Variants in FGGY observed in about 807,000 individuals in gnomAD.
FGGY encodes the protein FGGY carbohydrate kinase domain containing, also known as FGGY carbohydrate kinase domain-containing protein.
A neutral mutation model predicts 71.3 loss-of-function variants in FGGY; 72 were observed. The observed-to-expected ratio is 1.01, with a 90% CI of 0.84 to 1.23. The LOEUF is 1.23. FGGY is among the 50% of genes most tolerant of loss of function. The probability of loss-of-function intolerance (pLI) is 0.00; values close to 1 mark genes in which losing one functional copy is unlikely to be tolerated. For missense variants in FGGY, 668 were observed against 682.3 expected, an observed-to-expected ratio of 0.98 and a Z score of 0.23; for synonymous variants, 251 against 250.3, an observed-to-expected ratio of 1.00 and a Z score of -0.02.
At chr1:59,385,382 C>T (rs1342390304) in intron 5 of FGGY, among the ~76,000 whole-genome samples, 1 of 145,114 alleles carries the variant, frequency 6.9e-6, no homozygotes, top group African/African-American at 2.5e-5. Context: ...TGGTAATTAT[C>T]ACTTATTGAG....
chr1:59,724,206 T>C (rs1007950484), intron 14 of FGGY, among the ~76,000 whole-genome samples: 7 of 151,246 alleles, frequency 4.6e-5, no homozygotes, highest in Admixed American at 1.3e-4. Context: ...TGGCCAGGCA[T>C]GGTGGCTCAT....
rs138461349 is a variant in FGGY, at chr1:59,410,705, G to A, written c.554+31868G>A. On this transcript the variant is annotated intron_variant, in intron 5 of 15. Coordinates refer to ENST00000303721, the MANE Select transcript of FGGY (RefSeq NM_018291.5). The stretch of plus-strand genomic sequence containing the variant: ...TTTTACAATTCTAACAGAGAACAGG[G>A]CTCAGACTCTGAGGCTCGGGCAGGT... Among the ~76,000 whole-genome samples the A allele has an allele frequency of 3.7e-3, 570 of 152,256 alleles. 4 individuals carry two copies. The highest frequency in any genetic ancestry group is 0.013 in the African/African-American group (533 of 41,536).
chr1:59,502,518 TC>T (rs1281969604), intron 6 of FGGY, among the ~76,000 whole-genome samples: 1 of 152,186 alleles, frequency 6.6e-6, no homozygotes, highest in Non-Finnish European at 1.5e-5. Flanking sequence ...AAGACTATGC[TC>T]TGAATAGTTC....
At chr1:59,435,733 C>T (rs932836034) in intron 5 of FGGY, among the ~76,000 whole-genome samples, 41 of 145,010 alleles carry the variant, frequency 2.8e-4, no homozygotes, top group African/African-American at 9.2e-4. Context: ...TCCTTCCTCA[C>T]GTGTGTGCCT....
intron 5 of FGGY, among the ~76,000 whole-genome samples, chr1:59,383,860 T>C (rs1424266706): frequency 6.6e-6 from 1 of 152,216 alleles, no homozygotes. Context: ...TATTGATTGA[T>C]GTCTCGTGTC....
intron 6 of FGGY, among the ~76,000 whole-genome samples, chr1:59,463,778 A>G (rs1572470768): frequency 1.3e-5 from 2 of 152,224 alleles, no homozygotes; most frequent in South Asian, 4.1e-4. Context: ...AGGCCATTAC[A>G]TAATGGTAAA....
At chr1:59,594,204 C>A (rs982402820) in intron 8 of FGGY, among the ~76,000 whole-genome samples, 2 of 152,204 alleles carry the variant, frequency 1.3e-5, no homozygotes, top group African/African-American at 4.8e-5. Context: ...CCTCTTCCAG[C>A]ACCTTTGTTG....
chr1:59,557,204 T>C (rs893589637), intron 8 of FGGY, among the ~76,000 whole-genome samples: 2 of 152,064 alleles, frequency 1.3e-5, no homozygotes, highest in Admixed American at 1.3e-4. Context: ...AAACCGCCAC[T>C]GTGAGGAAAA....
At chr1:59,372,531 A>G (rs2057862700) in intron 4 of FGGY, among the ~76,000 whole-genome samples, 1 of 152,224 alleles carries the variant, frequency 6.6e-6, no homozygotes, top group African/African-American at 2.4e-5. Flanking sequence ...TCAATAGAAA[A>G]AGAGGGAATC....
At chr1:59,399,039 G>T (rs2061636722) in intron 5 of FGGY, among the ~76,000 whole-genome samples, 1 of 152,142 alleles carries the variant, frequency 6.6e-6, no homozygotes, top group Admixed American at 6.5e-5. Context: ...TGTAAAGGAA[G>T]CCTGGTCAAG....
chr1:59,470,651 A>G (rs769782613), intron 6 of FGGY, among the ~76,000 whole-genome samples: 1 of 152,210 alleles, frequency 6.6e-6, no homozygotes, highest in Non-Finnish European at 1.5e-5. Flanking sequence ...TTGTAAACAA[A>G]CCATAGAGGT....
intron 11 of FGGY, among the ~76,000 whole-genome samples, chr1:59,646,864 A>G (rs2097099984): frequency 6.6e-6 from 1 of 152,180 alleles, no homozygotes; most frequent in African/African-American, 2.4e-5. Context: ...AAAAATAAAA[A>G]ACTAGATCTT....
At chr1:59,361,035 A>AAG (rs1448003535) in intron 4 of FGGY, among the ~76,000 whole-genome samples, 1 of 152,122 alleles carries the variant, frequency 6.6e-6, no homozygotes, top group East Asian at 1.9e-4. Flanking sequence ...CCCCTGAGTA[A>AAG]ATGCTTCCAG....
intron 7 of FGGY, among the ~76,000 whole-genome samples, chr1:59,537,184 G>A (rs1024245635): frequency 1.3e-5 from 2 of 151,066 alleles, no homozygotes; most frequent in Non-Finnish European, 3.0e-5. Flanking sequence ...AAAATCACAA[G>A]CATTCTTATA....
intron 8 of FGGY, among the ~76,000 whole-genome samples, chr1:59,566,641 G>A (rs1240404059): frequency 6.6e-6 from 1 of 152,066 alleles, no homozygotes; most frequent in Non-Finnish European, 1.5e-5. Context: ...GTTCAGATGA[G>A]ACAATGAGTG....
At chr1:59,335,110 C>T (rs2049224102) in intron 2 of FGGY, among the ~76,000 whole-genome samples, 1 of 152,052 alleles carries the variant, frequency 6.6e-6, no homozygotes, top group African/African-American at 2.4e-5. Flanking sequence ...TAAAATCCAG[C>T]CATTGTAAAT....
In FGGY at chr1:59,667,302, T is replaced by C. The variant is rs768168207; in HGVS notation, c.1316T>C (p.Ile439Thr). The change falls in exon 13 of 16, where the codon ATA becomes ACA. Residue 439 changes from isoleucine to threonine, a missense_variant. Physicochemically the swap from Ile to Thr is moderately conservative, Grantham distance 89. Transcript: ENST00000303721. ...QAIALGTRFI[I>T]EAMEAAGHSI... Reference sequence around the variant, plus strand: ...TTCAAGTTGGGGACTCGCTTCATTATAGAAGCCATGGAGGCAGCAGGGCAC... The same window carrying C: ...TTCAAGTTGGGGACTCGCTTCATTACAGAAGCCATGGAGGCAGCAGGGCAC... 4.3e-6 allele frequency: 7 copies of C among 1,614,032 alleles called. No homozygotes were observed. Among genetic ancestry groups the C allele is most frequent in the Non-Finnish European group, 1.7e-6 (2 of 1,180,012 alleles).
chr1:59,404,912 G>A (rs1234305531), intron 5 of FGGY, among the ~76,000 whole-genome samples: 2 of 152,326 alleles, frequency 1.3e-5, no homozygotes, highest in South Asian at 4.2e-4. Context: ...TCCACGCTGT[G>A]CATGCTGGGC....
chr1:59,530,607 A>G (rs1409052150), intron 7 of FGGY, among the ~76,000 whole-genome samples: 1 of 152,178 alleles, frequency 6.6e-6, no homozygotes, highest in Admixed American at 6.5e-5. Flanking sequence ...TTGGTTTGAC[A>G]CTTAAAGATG....
Sources: allele counts gnomAD v4.1 joint callset (sites outside exome capture counted in the v4.1 genomes callset), GRCh38; gene constraint gnomAD v4.1.1; transcripts MANE v1.5; gene names NCBI Gene and HGNC (gene_info 2026-07-23, HGNC 2026-07-21).